FBXO17: variants seen among roughly 807,000 people sequenced by gnomAD.
The protein encoded by FBXO17 is F-box only protein 17.
Under a neutral mutation model 34.1 loss-of-function variants are expected in FBXO17, and 43 were observed. The ratio of observed to expected loss-of-function variants is 1.26; its 90% confidence interval spans 0.99 to 1.62. FBXO17 has a LOEUF of 1.62. FBXO17 is among the 40% of genes most tolerant of loss of function. The pLI is 0.00. For missense variants in FBXO17, 424 were observed against 386.7 expected (o/e 1.10, Z -0.81); for synonymous variants, 169 against 166.0 (o/e 1.02, Z -0.14).
chr19:38,941,934 A>G lies in FBXO17; in HGVS notation c.*674T>C, dbSNP rs2144803125. ...TGCCCACGATCATTACCCCCAAAAC[A>G]TGCCGGCAAGTCTCTGCTCCCTGCG... On this transcript the variant is annotated 3_prime_UTR_variant, in exon 6 of 6. Transcript: ENST00000292852. 1 of 152,292 alleles carries G rather than the reference A, an allele frequency of 6.6e-6. No individual in the cohort carries two copies. The highest frequency in any genetic ancestry group is 2.1e-4 in the South Asian group (1 of 4,818). 9.4% of individuals were successfully genotyped at this position (152,292 alleles called of 1,614,324 possible). A position where few individuals can be genotyped will look rare whatever the true frequency, so the allele number is the denominator to read the frequency against.
intron 5 of FBXO17, 102 bp from the exon 6 acceptor site, chr19:38,942,853 G>T: frequency 7.8e-7 from 1 of 1,279,994 alleles, no homozygotes; most frequent in Non-Finnish European, 1.0e-6. Context: ...CCAGTCCTGC[G>T]CTAGTTTGCT....
chr19:38,961,657 CT>C (rs879176526), intron 1 of FBXO17, among the ~76,000 whole-genome samples: 4 of 151,114 alleles, frequency 2.6e-5, no homozygotes, highest in African/African-American at 7.3e-5. Context: ...AACTACTATT[CT>C]GTTTTGTTTT....
chr19:38,953,123 G>C (rs1050445065), intron 1 of FBXO17, among the ~76,000 whole-genome samples: 3 of 151,962 alleles, frequency 2.0e-5, no homozygotes, highest in Non-Finnish European at 2.9e-5. Flanking sequence ...GCAACACAGC[G>C]ATACTCCACC....
At chr19:38,951,653 A>AT (rs578199067) in intron 1 of FBXO17, among the ~76,000 whole-genome samples, 44,075 of 129,282 alleles carry the variant, frequency 0.34, 7,898 homozygotes, top group East Asian at 0.64. Context: ...TTGGCTTTCT[A>AT]TTTTTTTTTT....
At chr19:38,943,162 T>C (rs1974918596) in intron 5 of FBXO17, among the ~76,000 whole-genome samples, 2 of 149,154 alleles carry the variant, frequency 1.3e-5, no homozygotes, top group South Asian at 4.2e-4. Flanking sequence ...AAGAGAGGGG[T>C]CAGGGAGGTC....
At chr19:38,955,137 T>C (rs1465957569) in intron 1 of FBXO17, among the ~76,000 whole-genome samples, 1 of 151,546 alleles carries the variant, frequency 6.6e-6, no homozygotes, top group Non-Finnish European at 1.5e-5. Context: ...TTCACCATGT[T>C]AGCCAGGATG....
At chr19:38,949,701 C>T (rs1052129944) in intron 2 of FBXO17, 20 of 563,696 alleles carry the variant, frequency 3.5e-5, no homozygotes, top group Non-Finnish European at 2.8e-5. Context: ...TGTTCTGCAT[C>T]CCCTCTGCAT....
chr19:38,966,577 G>T (rs1007525478), intron 1 of FBXO17, among the ~76,000 whole-genome samples: 1 of 152,076 alleles, frequency 6.6e-6, no homozygotes, highest in Non-Finnish European at 1.5e-5. Flanking sequence ...TACTATAAAA[G>T]GAAGAATGTC....
intron 5 of FBXO17, among the ~76,000 whole-genome samples, chr19:38,943,035 C>T (rs976898373): frequency 6.6e-6 from 1 of 152,068 alleles, no homozygotes; most frequent in African/African-American, 2.4e-5. Context: ...ACAGAGGTGA[C>T]ACCTGAAGGA....
chr19:38,958,708 A>G (rs1409546800), intron 1 of FBXO17, among the ~76,000 whole-genome samples: 1 of 152,128 alleles, frequency 6.6e-6, no homozygotes, highest in African/African-American at 2.4e-5. Flanking sequence ...GGGACCCAGG[A>G]TGCTACTACA....
chr19:38,965,555 G>A (rs1369791727), intron 1 of FBXO17, among the ~76,000 whole-genome samples: 2 of 151,826 alleles, frequency 1.3e-5, no homozygotes, highest in Non-Finnish European at 2.9e-5. Flanking sequence ...TGCCCAGGCT[G>A]GAGTGCAACA....
chr19:38,968,654 A>G (rs1459270959), intron 1 of FBXO17, among the ~76,000 whole-genome samples: 3 of 152,146 alleles, frequency 2.0e-5, no homozygotes, highest in African/African-American at 7.2e-5. Context: ...AAACACTCCA[A>G]ATGTCTATTA....
At position 38,942,769 on chromosome 19, in the gene FBXO17, G is replaced by A. The variant is rs202159707; in HGVS notation, c.694-18C>T. The stretch of plus-strand genomic sequence containing the variant: ...TGGGAGACCTGCAGGGGGAAGGGGA[G>A]TGAGAGGGTGAGGGCCTGCGGGCCC... On this transcript the variant is annotated intron_variant, in intron 5 of 5. Coordinates refer to ENST00000292852, the MANE Select transcript of FBXO17 (RefSeq NM_024907.7). 1.4e-5 allele frequency: 23 copies of A among 1,594,978 alleles called. No homozygotes were observed. In the African/African-American group the frequency reaches 2.6e-4, roughly 18 times the overall value.
chr19:38,970,791 G>C (rs1038633701), intron 1 of FBXO17, among the ~76,000 whole-genome samples: 1 of 152,026 alleles, frequency 6.6e-6, no homozygotes, highest in African/African-American at 2.4e-5. Context: ...AATGGGCTCC[G>C]TATGACTTGC....
intron 1 of FBXO17, among the ~76,000 whole-genome samples, chr19:38,971,277 T>C (rs1347074509): frequency 6.6e-6 from 1 of 151,826 alleles, no homozygotes. Flanking sequence ...TTACTATGAT[T>C]AGCAGCAAAC....
intron 5 of FBXO17, among the ~76,000 whole-genome samples, chr19:38,944,537 C>T (rs1974944224): frequency 6.6e-6 from 1 of 152,170 alleles, no homozygotes; most frequent in African/African-American, 2.4e-5. Flanking sequence ...AGCCACTGTG[C>T]CCAGCCGAAA....
chr19:38,958,938 C>G (rs1975207762), intron 1 of FBXO17, among the ~76,000 whole-genome samples: 1 of 152,126 alleles, frequency 6.6e-6, no homozygotes, highest in Non-Finnish European at 1.5e-5. Context: ...AAGTCTCACT[C>G]TGTCGCCTGG....
intron 4 of FBXO17, 153 bp from the exon 5 acceptor site, chr19:38,945,257 G>C: frequency 9.8e-7 from 1 of 1,018,144 alleles, no homozygotes; most frequent in Non-Finnish European, 1.4e-6. Flanking sequence ...TCTAGGGGAG[G>C]AGCCTTGGTG....
chr19:38,966,081 T>G (rs1975316090), intron 1 of FBXO17, among the ~76,000 whole-genome samples: 1 of 152,042 alleles, frequency 6.6e-6, no homozygotes, highest in Non-Finnish European at 1.5e-5. Flanking sequence ...GCGATTCTCC[T>G]GTCTCAGCCT....
Sources: allele counts gnomAD v4.1 joint callset (sites outside exome capture counted in the v4.1 genomes callset), GRCh38; gene constraint gnomAD v4.1.1; transcripts MANE v1.5; gene names NCBI Gene and HGNC (gene_info 2026-07-23, HGNC 2026-07-21).